The following CTNND2 variants were observed in gnomAD, a reference collection of about 807,000 sequenced individuals.
CTNND2 encodes catenin delta-2.
CTNND2 carries 22 observed loss-of-function variants against 144.4 expected under a neutral mutation model. The observed-to-expected ratio is 0.15, with a 90% confidence interval of 0.11 to 0.22. The LOEUF is 0.22. Ranked by LOEUF, CTNND2 falls within the 10% of genes least tolerant of loss-of-function variation. The pLI is 1.00. For missense variants in CTNND2, 1,353 were observed against 1,618.8 expected (o/e 0.84, Z 2.82); for synonymous variants, 751 against 695.6 (o/e 1.08, Z -1.25).
chr5:11,136,003 G>C (rs1233884622), intron 12 of CTNND2, among the ~76,000 whole-genome samples: 1 of 152,186 alleles, frequency 6.6e-6, no homozygotes, highest in African/African-American at 2.4e-5. Context: ...CCAAGGTGAT[G>C]GTATTAAGTG....
At chr5:11,485,180 C>T (rs529850512) in intron 3 of CTNND2, among the ~76,000 whole-genome samples, 5 of 151,948 alleles carry the variant, frequency 3.3e-5, no homozygotes, top group Non-Finnish European at 7.4e-5. Flanking sequence ...ATAGACATAA[C>T]AGAAAAGGTG....
intron 6 of CTNND2, among the ~76,000 whole-genome samples, chr5:11,391,417 C>A (rs898127005): frequency 6.6e-6 from 1 of 152,120 alleles, no homozygotes; most frequent in East Asian, 1.9e-4. Flanking sequence ...AAAATGCTTA[C>A]AGTCATATTT....
chr5:11,670,448 A>G (rs1272507220), intron 2 of CTNND2, among the ~76,000 whole-genome samples: 4 of 152,154 alleles, frequency 2.6e-5, no homozygotes, highest in African/African-American at 9.7e-5. Context: ...TTGGGTGCAT[A>G]TATATTTAGG....
At chr5:11,680,018 C>T (rs1007686517) in intron 2 of CTNND2, among the ~76,000 whole-genome samples, 3 of 152,000 alleles carry the variant, frequency 2.0e-5, no homozygotes, top group African/African-American at 7.3e-5. Context: ...TTATGTTTCT[C>T]GAGAAAGGGA....
chr5:11,161,125 C>T (rs2023916), intron 11 of CTNND2, among the ~76,000 whole-genome samples: 101,125 of 151,152 alleles, frequency 0.67, 33,704 homozygotes, highest in East Asian at 0.86. Context: ...AGCTTCTCTT[C>T]TTTTATGAAT....
At chr5:11,185,267 A>T (rs1468838449) in intron 11 of CTNND2, among the ~76,000 whole-genome samples, 5 of 152,078 alleles carry the variant, frequency 3.3e-5, no homozygotes, top group Non-Finnish European at 7.4e-5. Flanking sequence ...TGCTTTTCTT[A>T]TAGAACAGTT....
chr5:11,249,537 G>A (rs1193761743), intron 9 of CTNND2, among the ~76,000 whole-genome samples: 2 of 152,190 alleles, frequency 1.3e-5, no homozygotes, highest in Non-Finnish European at 2.9e-5. Context: ...TGTTCAACCT[G>A]TGATTGGCCA....
intron 3 of CTNND2, among the ~76,000 whole-genome samples, chr5:11,420,667 C>T (rs957702011): frequency 6.6e-6 from 1 of 152,174 alleles, no homozygotes; most frequent in Non-Finnish European, 1.5e-5. Flanking sequence ...CAGAATGTTT[C>T]GTGGAACTGA....
chr5:11,294,736 T>C (rs2150021692), intron 9 of CTNND2, among the ~76,000 whole-genome samples: 1 of 152,234 alleles, frequency 6.6e-6, no homozygotes, highest in African/African-American at 2.4e-5. Context: ...AAAAACCACA[T>C]GATTATCTCA....
At chr5:11,328,083 T>C (rs115255682) in intron 9 of CTNND2, among the ~76,000 whole-genome samples, 175 of 152,274 alleles carry the variant, frequency 1.1e-3, no homozygotes, top group African/African-American at 4.0e-3. Context: ...TTCCCATAAG[T>C]GAGTACGTTC....
At chr5:11,369,977 A>C (rs1376304613) in intron 7 of CTNND2, among the ~76,000 whole-genome samples, 2 of 152,224 alleles carry the variant, frequency 1.3e-5, no homozygotes, top group Non-Finnish European at 2.9e-5. Flanking sequence ...CATCATCTTT[A>C]AAAGAAATAC....
chr5:11,516,061 T>C (rs1772137566), intron 3 of CTNND2, among the ~76,000 whole-genome samples: 2 of 151,946 alleles, frequency 1.3e-5, no homozygotes, highest in South Asian at 4.2e-4. Context: ...GTGCCATGAA[T>C]GCACACTGCA....
chr5:11,048,148 C>A (rs1745471514), intron 16 of CTNND2, among the ~76,000 whole-genome samples: 1 of 152,176 alleles, frequency 6.6e-6, no homozygotes, highest in Admixed American at 6.5e-5. Flanking sequence ...CTCCCAGAAC[C>A]TGGAACTGGC....
At chr5:11,752,666 T>C (rs1265729519) in intron 1 of CTNND2, among the ~76,000 whole-genome samples, 2 of 151,996 alleles carry the variant, frequency 1.3e-5, no homozygotes, top group South Asian at 2.1e-4. Context: ...TCTTGGGCTA[T>C]TGGGGCTTTT....
At chr5:11,806,774 A>T (rs1792027275) in intron 1 of CTNND2, among the ~76,000 whole-genome samples, 1 of 152,108 alleles carries the variant, frequency 6.6e-6, no homozygotes, top group Non-Finnish European at 1.5e-5. Flanking sequence ...AATAATGAAC[A>T]TAAATGTTAG....
chr5:11,629,542 G>A (rs528227549), intron 2 of CTNND2, among the ~76,000 whole-genome samples: 4 of 152,306 alleles, frequency 2.6e-5, no homozygotes, highest in East Asian at 3.9e-4. Context: ...TTGGAGGAGA[G>A]ATCACGACAT....
rs531081038 is a variant in CTNND2 at position 11,244,463 on chromosome 5, T to G, written c.1629-7640A>C. On this transcript the variant is annotated intron_variant, in intron 9 of 21. Coordinates refer to ENST00000304623, the MANE Select transcript of CTNND2 (RefSeq NM_001332.4). ...CCACACCTGGCTAATTTTTGTATTT[T>G]TAGTAGAGACAAGGTTTTGCCATAT... Among the ~76,000 whole-genome samples, 3 of 152,186 alleles carry G rather than the reference T, an allele frequency of 2.0e-5. 1 individual carries two copies. The South Asian group carries it at 6.2e-4, about 32-fold the overall frequency.
intron 8 of CTNND2, among the ~76,000 whole-genome samples, chr5:11,348,231 T>C (rs1754988822): frequency 6.6e-6 from 1 of 152,158 alleles, no homozygotes; most frequent in African/African-American, 2.4e-5. Context: ...ATGCAAGTCC[T>C]TGAGGATTTA....
At chr5:11,008,354 AAG>A (rs1237264516) in intron 18 of CTNND2, among the ~76,000 whole-genome samples, 20 of 152,132 alleles carry the variant, frequency 1.3e-4, no homozygotes, top group African/African-American at 4.6e-4. Context: ...TGTTCCTTAT[AAG>A]AGAGATTTGG....
Sources: gnomAD v4.1 joint callset for allele counts (sites outside exome capture counted in the v4.1 genomes callset) on GRCh38, gnomAD v4.1.1 for gene constraint, MANE v1.5 for transcripts, NCBI Gene and HGNC (gene_info 2026-07-23, HGNC 2026-07-21) for gene names.